The following PCNX2 variants were observed in gnomAD, a reference collection of about 807,000 sequenced individuals.
PCNX2 encodes pecanex 2.
PCNX2 carries 168 observed loss-of-function variants against 223.8 expected under a neutral mutation model. The observed-to-expected ratio is 0.75, with a 90% confidence interval of 0.66 to 0.85. The LOEUF (loss-of-function observed/expected upper bound fraction) is 0.85, where lower values mean the gene tolerates loss of function less well. Ranked by LOEUF, PCNX2 falls within the 40% of genes least tolerant of loss-of-function variation. The probability of loss-of-function intolerance (pLI) is 0.00; values close to 1 mark genes in which losing one functional copy is unlikely to be tolerated. For missense variants in PCNX2, 2,507 were observed against 2,675.5 expected, an observed-to-expected ratio of 0.94 and a Z score of 1.39; for synonymous variants, 1,006 against 1,052.6, an observed-to-expected ratio of 0.96 and a Z score of 0.86.
At chr1:233,161,020 C>A (rs1678434669) in intron 18 of PCNX2, among the ~76,000 whole-genome samples, 1 of 152,136 alleles carries the variant, frequency 6.6e-6, no homozygotes, top group South Asian at 2.1e-4. Context: ...ATCATTCTTG[C>A]AAACAAAACA....
At chr1:233,045,079 C>T (rs548356816) in intron 25 of PCNX2, among the ~76,000 whole-genome samples, 12 of 152,296 alleles carry the variant, frequency 7.9e-5, no homozygotes, top group African/African-American at 2.6e-4. Context: ...CCAAGATCTA[C>T]GTCCCTATTC....
Position 232,991,906 on chromosome 1 carries a change from G to A in PCNX2, c.5792-5366C>T, listed in dbSNP as rs1571986438. Among the ~76,000 whole-genome samples the A allele has an allele frequency of 6.6e-6, 1 of 152,176 alleles. No individual in the cohort carries two copies. The highest frequency in any genetic ancestry group is 2.4e-5 in the African/African-American group (1 of 41,428). ...TGAGCCATGGTACTTTGTCATGGCA[G>A]CCCAAGCAGACTCACACATTCTGAG... On this transcript the variant is annotated intron_variant, in intron 32 of 33. Coordinates refer to ENST00000258229, the MANE Select transcript of PCNX2 (RefSeq NM_014801.4). The surrounding 1 kb of genome is among the most constrained non-coding windows in gnomAD (Gnocchi z 4.3).
chr1:233,127,874 G>A (rs1676191499), intron 21 of PCNX2, among the ~76,000 whole-genome samples: 1 of 152,188 alleles, frequency 6.6e-6, no homozygotes, highest in Non-Finnish European at 1.5e-5. Flanking sequence ...TGCCTGGCAG[G>A]CACCCAGTAA....
intron 23 of PCNX2, among the ~76,000 whole-genome samples, chr1:233,078,462 AAATC>A (rs1393506063): frequency 2.6e-5 from 4 of 152,246 alleles, no homozygotes; most frequent in Non-Finnish European, 5.9e-5. Context: ...TGTTTAGAAT[AAATC>A]AGTTCCATCT....
At chr1:233,049,400 C>A (rs890568826) in intron 25 of PCNX2, among the ~76,000 whole-genome samples, 4 of 152,096 alleles carry the variant, frequency 2.6e-5, no homozygotes, top group African/African-American at 4.8e-5. Context: ...GATCATATCA[C>A]TAGACATGAA....
chr1:233,160,106 A>G, intron 19 of PCNX2, 177 bp downstream of exon 19: 1 of 647,424 alleles, frequency 1.5e-6, no homozygotes, highest in Non-Finnish European at 2.5e-6. Flanking sequence ...ACTCTAAGGT[A>G]CACGTTCTCC....
At chr1:233,031,963 C>A in intron 25 of PCNX2, 1 of 985,264 alleles carries the variant, frequency 1.0e-6, no homozygotes. Flanking sequence ...CCTTGGATTG[C>A]AAACCCTAGG....
At chr1:233,032,491 C>A (rs1671304306) in intron 25 of PCNX2, among the ~76,000 whole-genome samples, 1 of 152,142 alleles carries the variant, frequency 6.6e-6, no homozygotes, top group African/African-American at 2.4e-5. Flanking sequence ...AAACAGCAGA[C>A]CTCAAAAATG....
intron 21 of PCNX2, among the ~76,000 whole-genome samples, chr1:233,105,018 A>G (rs1674684915): frequency 6.6e-6 from 1 of 152,204 alleles, no homozygotes; most frequent in South Asian, 2.1e-4. Context: ...AGCAATCTGT[A>G]GAGGAGAAGA....
Position 233,139,971 on chromosome 1 carries a change from C to T in PCNX2, c.3518-116G>A. On this transcript the variant is annotated intron_variant, in intron 19 of 33. Coordinates refer to ENST00000258229, the MANE Select transcript of PCNX2 (RefSeq NM_014801.4). This position sits in a 1 kb window ranked among gnomAD's most constrained non-coding sequence, Gnocchi z 4.4. Reference sequence around the variant, plus strand: ...TAATTCAAAAGCTGCTAATTAAGAACTCGTGATACTAGACATGATATACCA... The same window carrying T: ...TAATTCAAAAGCTGCTAATTAAGAATTCGTGATACTAGACATGATATACCA... The T allele has an allele frequency of 7.8e-7, 1 of 1,277,440 alleles. No homozygotes were observed. The highest frequency in any genetic ancestry group is 1.6e-5 in the South Asian group (1 of 63,260). The allele number at this position is 1,277,440 out of a possible 1,614,324, so 79.1% of individuals were successfully genotyped here.
At chr1:233,028,745 T>G (rs1671166923) in intron 25 of PCNX2, among the ~76,000 whole-genome samples, 1 of 152,140 alleles carries the variant, frequency 6.6e-6, no homozygotes, top group Non-Finnish European at 1.5e-5. Flanking sequence ...TCCATTTACA[T>G]GTAATGTGGT....
rs527749272 is a variant in PCNX2, at chr1:233,109,357, C to A, written c.3838-13494G>T. Among the ~76,000 whole-genome samples the A allele has an allele frequency of 8.5e-5, 13 of 152,248 alleles. 1 individual carries two copies. In the South Asian group the frequency reaches 2.5e-3, roughly 29 times the overall value. On this transcript the variant is annotated intron_variant, in intron 21 of 33. Coordinates refer to ENST00000258229, the MANE Select transcript of PCNX2 (RefSeq NM_014801.4). ...ATCAAAGTAAGACTCAGAGATGACA[C>A]ATATAGTGGAACGATCTGACAGGGG...
At chr1:233,079,701 C>T (rs1167197469) in intron 23 of PCNX2, among the ~76,000 whole-genome samples, 3 of 152,202 alleles carry the variant, frequency 2.0e-5, no homozygotes, top group East Asian at 1.9e-4. Context: ...TTTTAAGCCT[C>T]GGTGGACTCA....
At chr1:233,232,851 C>T (rs1658151173) in intron 9 of PCNX2, 5 of 985,296 alleles carry the variant, frequency 5.1e-6, no homozygotes, top group Non-Finnish European at 6.0e-6. Context: ...AATGCTTGAC[C>T]GTCATGCTAT....
chr1:233,161,152 G>C, intron 18 of PCNX2, 119 bp downstream of exon 18: 2 of 806,444 alleles, frequency 2.5e-6, no homozygotes, highest in Non-Finnish European at 4.1e-6. Flanking sequence ...GCCTCTCAGC[G>C]GGCATTTTGT....
intron 23 of PCNX2, among the ~76,000 whole-genome samples, chr1:233,083,434 G>A (rs1157185886): frequency 3.9e-5 from 6 of 152,208 alleles, no homozygotes; most frequent in Non-Finnish European, 7.3e-5. Context: ...GCTCACAGCT[G>A]TAACAGCACT....
At chr1:233,263,364 G>A (rs1270321139) in intron 1 of PCNX2, among the ~76,000 whole-genome samples, 1 of 151,836 alleles carries the variant, frequency 6.6e-6, no homozygotes, top group East Asian at 1.9e-4. Flanking sequence ...TTGTTTCTCA[G>A]GTTCTGTAGT....
intron 4 of PCNX2, among the ~76,000 whole-genome samples, chr1:233,261,003 T>C (rs923205418): frequency 3.9e-5 from 6 of 152,178 alleles, no homozygotes; most frequent in East Asian, 3.8e-4. Flanking sequence ...AAAAAACTTA[T>C]ATGTCTGCTC....
intron 28 of PCNX2, among the ~76,000 whole-genome samples, chr1:233,002,016 T>G (rs1185728097): frequency 6.6e-6 from 1 of 152,196 alleles, no homozygotes; most frequent in Non-Finnish European, 1.5e-5. Flanking sequence ...CAGTTTCATC[T>G]ACCCCAATGA....
Sources: gnomAD v4.1 joint callset for allele counts (sites outside exome capture counted in the v4.1 genomes callset) on GRCh38, gnomAD v4.1.1 for gene constraint, Gnocchi (gnomAD v3.1) non-coding constraint, MANE v1.5 for transcripts, NCBI Gene and HGNC (gene_info 2026-07-23, HGNC 2026-07-21) for gene names.